The following ULK4 variants were observed in gnomAD, a reference collection of about 807,000 sequenced individuals.
The protein encoded by ULK4 is unc-51 like kinase 4, also known as inactive serine/threonine-protein kinase ULK4.
In ULK4, 133 loss-of-function variants were observed where a neutral mutation model predicts 160.6. That is an observed-to-expected ratio of 0.83 (90% confidence interval 0.72 to 0.96). The LOEUF is 0.96. Ranked by LOEUF, ULK4 falls within the 40% of genes least tolerant of loss-of-function variation. The probability of loss-of-function intolerance (pLI) is 0.00; values close to 1 mark genes in which losing one functional copy is unlikely to be tolerated. For synonymous variants in ULK4, 534 were observed against 539.8 expected, an observed-to-expected ratio of 0.99 and a Z score of 0.15; for missense variants, 1,580 against 1,499.5, an observed-to-expected ratio of 1.05 and a Z score of -0.89.
intron 22 of ULK4, among the ~76,000 whole-genome samples, chr3:41,754,082 G>A (rs2125897944): frequency 6.6e-6 from 1 of 152,188 alleles, no homozygotes; most frequent in Non-Finnish European, 1.5e-5. Flanking sequence ...TTGACACGTG[G>A]GGATTACAGG....
At chr3:41,454,947 T>A (rs1006920580) in intron 34 of ULK4, among the ~76,000 whole-genome samples, 1 of 152,186 alleles carries the variant, frequency 6.6e-6, no homozygotes, top group Non-Finnish European at 1.5e-5. Flanking sequence ...TCCACTCACC[T>A]TGGTTTCCCA....
chr3:41,632,151 C>G (rs2033773280), intron 30 of ULK4, among the ~76,000 whole-genome samples: 1 of 152,136 alleles, frequency 6.6e-6, no homozygotes, highest in South Asian at 2.1e-4. Context: ...TATGCACATC[C>G]TTGCACCAGA....
chr3:41,470,155 A>T (rs895361073), intron 32 of ULK4, among the ~76,000 whole-genome samples: 1 of 152,082 alleles, frequency 6.6e-6, no homozygotes, highest in Admixed American at 6.5e-5. Context: ...GTAAACCAAA[A>T]GAAGAGTTCA....
rs371438428 is a variant in ULK4, at chr3:41,681,629, G to T, written c.2857C>A (p.Arg953=). 6 of 1,613,470 alleles carry T rather than the reference G, an allele frequency of 3.7e-6. No individual in the cohort carries two copies. Among genetic ancestry groups the T allele is most frequent in the African/African-American group, 1.3e-5 (1 of 74,710 alleles). ...QNVEWRLFSL[R]LLSETTSLLV... Reference sequence around the variant, plus strand: ...AGAGATGTGGTTTCTGAGAGCAACCGCAAGCTAAAGAGTCTCCACTCCACT... The same window carrying T: ...AGAGATGTGGTTTCTGAGAGCAACCTCAAGCTAAAGAGTCTCCACTCCACT... Residue 953 remains arginine (R), a synonymous_variant, in exon 29 of 37, where the codon CGG becomes AGG. Transcript: ENST00000301831.
At chr3:41,364,894 C>T (rs924037571) in intron 35 of ULK4, among the ~76,000 whole-genome samples, 7 of 152,234 alleles carry the variant, frequency 4.6e-5, no homozygotes, top group African/African-American at 1.7e-4. Flanking sequence ...CAGCATTTCT[C>T]AAAAGATATG....
intron 15 of ULK4, among the ~76,000 whole-genome samples, chr3:41,896,581 C>T (rs1336091487): frequency 6.6e-6 from 1 of 152,086 alleles, no homozygotes; most frequent in Non-Finnish European, 1.5e-5. Context: ...TTAAATCTTA[C>T]AAGTTAACAT....
chr3:41,272,936 AT>A (rs1211453676), intron 35 of ULK4, among the ~76,000 whole-genome samples: 1 of 152,018 alleles, frequency 6.6e-6, no homozygotes, highest in Admixed American at 6.6e-5. Context: ...CTTTTTTCAT[AT>A]CCTCCATGTC....
chr3:41,640,065 G>A (rs1241610156), intron 30 of ULK4, among the ~76,000 whole-genome samples: 1 of 152,136 alleles, frequency 6.6e-6, no homozygotes, highest in Non-Finnish European at 1.5e-5. Flanking sequence ...AAAAGCTTGT[G>A]ATGGTTTGTG....
chr3:41,716,239 A>ATAATAATAATAG (rs1331970714), intron 23 of ULK4, among the ~76,000 whole-genome samples: 2 of 148,374 alleles, frequency 1.3e-5, no homozygotes, highest in African/African-American at 4.9e-5. Context: ...AATAATAATA[A>ATAATAATAATAG]TAATAATAAT....
At chr3:41,817,706 AC>A (rs2125627717) in intron 19 of ULK4, among the ~76,000 whole-genome samples, 1 of 152,188 alleles carries the variant, frequency 6.6e-6, no homozygotes, top group South Asian at 2.1e-4. Context: ...ATCAGTCATA[AC>A]CCCAAACCAC....
chr3:41,812,546 T>C (rs1020369994), intron 19 of ULK4, among the ~76,000 whole-genome samples: 1 of 152,224 alleles, frequency 6.6e-6, no homozygotes, highest in African/African-American at 2.4e-5. Flanking sequence ...TTCAGAGATC[T>C]TGAGCTGGGA....
At chr3:41,375,783 A>T (rs1447659128) in intron 35 of ULK4, among the ~76,000 whole-genome samples, 1 of 150,410 alleles carries the variant, frequency 6.6e-6, no homozygotes, top group Non-Finnish European at 1.5e-5. Context: ...GACAAATGGG[A>T]TCTAATTAAA....
In ULK4 at chr3:41,690,662, C is replaced by T. The variant is rs972153180; in HGVS notation, c.2782-8858G>A. 2.0e-5 allele frequency among the ~76,000 whole-genome samples: 3 copies of T among 151,590 alleles called. No individual in the cohort carries two copies. In the South Asian group the frequency reaches 6.2e-4, roughly 31 times the overall value. On this transcript the variant is annotated intron_variant, in intron 27 of 36. Transcript: ENST00000301831. ...CAAATTTTAGCTACTCTGCTACCCC[C>T]ATCCCCTTTCTTCATCCAGGGTTCT...
At chr3:41,480,319 A>C (rs1360582748) in intron 32 of ULK4, among the ~76,000 whole-genome samples, 2 of 152,062 alleles carry the variant, frequency 1.3e-5, no homozygotes, top group Admixed American at 1.3e-4. Flanking sequence ...AGTATATGAG[A>C]TATTTGTAAA....
intron 35 of ULK4, among the ~76,000 whole-genome samples, chr3:41,267,334 G>C (rs2079058491): frequency 6.6e-6 from 1 of 152,114 alleles, no homozygotes; most frequent in South Asian, 2.1e-4. Flanking sequence ...CCCTGCAAAG[G>C]ACATGATCTT....
At chr3:41,795,819 C>T (rs545218338) in intron 20 of ULK4, among the ~76,000 whole-genome samples, 3 of 152,274 alleles carry the variant, frequency 2.0e-5, no homozygotes, top group Non-Finnish European at 4.4e-5. Flanking sequence ...CAAGCTACTC[C>T]AGTGGTCCAG....
chr3:41,385,604 G>T (rs2125800149), intron 35 of ULK4, among the ~76,000 whole-genome samples: 1 of 152,128 alleles, frequency 6.6e-6, no homozygotes. Flanking sequence ...CAGAAAATGG[G>T]AAAAAAAGTT....
At chr3:41,805,533 G>C (rs1446004263) in intron 19 of ULK4, among the ~76,000 whole-genome samples, 45 of 151,552 alleles carry the variant, frequency 3.0e-4, no homozygotes, top group Non-Finnish European at 5.6e-4. Flanking sequence ...GAATAGGAGT[G>C]GTGAGAGAGG....
intron 18 of ULK4, among the ~76,000 whole-genome samples, chr3:41,824,774 C>A (rs1403826947): frequency 2.0e-5 from 3 of 152,200 alleles, no homozygotes; most frequent in African/African-American, 4.8e-5. Flanking sequence ...GGAGAAACCT[C>A]TACAGACTTA....
Sources: allele counts gnomAD v4.1 joint callset (sites outside exome capture counted in the v4.1 genomes callset), GRCh38; gene constraint gnomAD v4.1.1; transcripts MANE v1.5; gene names NCBI Gene and HGNC (gene_info 2026-07-23, HGNC 2026-07-21).